The following PIK3CB variants were observed in gnomAD, a reference collection of about 807,000 sequenced individuals.
PIK3CB encodes phosphatidylinositol 4,5-bisphosphate 3-kinase catalytic subunit beta isoform.
In PIK3CB, 39 loss-of-function variants were observed where a neutral mutation model predicts 136.8. That is an observed-to-expected ratio of 0.29 (90% CI 0.22 to 0.37). The LOEUF (loss-of-function observed/expected upper bound fraction) is 0.37, where lower values mean the gene tolerates loss of function less well. Among genes scored for constraint, PIK3CB ranks in the 10% least tolerant of loss-of-function variants. PIK3CB has a pLI of 1.00. For missense variants in PIK3CB, 868 were observed against 1,275.4 expected (o/e 0.68, Z 4.87); for synonymous variants, 428 against 436.6 (o/e 0.98, Z 0.25).
chr3:138,832,116 A>G (rs1934064078), intron 1 of PIK3CB, among the ~76,000 whole-genome samples: 1 of 152,182 alleles, frequency 6.6e-6, no homozygotes, highest in African/African-American at 2.4e-5. Context: ...GAAAGAACAT[A>G]ATTTAGACTA....
intron 16 of PIK3CB, among the ~76,000 whole-genome samples, chr3:138,686,991 G>A (rs2043907741): frequency 6.6e-6 from 1 of 152,126 alleles, no homozygotes; most frequent in African/African-American, 2.4e-5. Context: ...TAAGCAAACA[G>A]GAACTTTTTA....
Position 138,707,184 on chromosome 3 carries a change from GGTT to G in PIK3CB, c.1502_1504del (p.Gln501del). ...CTTATCGAAGGGAGGGTAATAATAA[GGTT>G]GTTTTTTATTCTCTGGAAATTTAAC... On this transcript the variant is annotated inframe_deletion, in exon 11 of 24. Transcript: ENST00000674063. 1 of 1,604,542 alleles carries G rather than the reference GGTT, an allele frequency of 6.2e-7. No homozygotes were observed. Among genetic ancestry groups the G allele is most frequent in the Non-Finnish European group, 8.5e-7 (1 of 1,172,112 alleles).
At chr3:138,746,583 C>A (rs1043613733) in intron 4 of PIK3CB, among the ~76,000 whole-genome samples, 1 of 152,010 alleles carries the variant, frequency 6.6e-6, no homozygotes, top group Non-Finnish European at 1.5e-5. Context: ...ATGGCATGAA[C>A]CTGGGAGGTG....
At chr3:138,809,050 G>A (rs1438766811) in intron 1 of PIK3CB, among the ~76,000 whole-genome samples, 1 of 151,742 alleles carries the variant, frequency 6.6e-6, no homozygotes, top group Non-Finnish European at 1.5e-5. Flanking sequence ...GAGGCGGGTG[G>A]ATCATCTGGA....
intron 10 of PIK3CB, among the ~76,000 whole-genome samples, 190 bp downstream of exon 10, chr3:138,712,018 A>T (rs1012733530): frequency 4.7e-4 from 69 of 147,636 alleles, no homozygotes; most frequent in African/African-American, 1.6e-3. Flanking sequence ...ATTTGTAAAG[A>T]AATCTACTCA....
At chr3:138,676,509 G>GTA (rs1169662860) in intron 19 of PIK3CB, among the ~76,000 whole-genome samples, 3 of 152,144 alleles carry the variant, frequency 2.0e-5, no homozygotes, top group African/African-American at 7.2e-5. Context: ...CTCAAAAGTT[G>GTA]TACACAAATG....
chr3:138,679,010 G>A (rs2043706784), intron 19 of PIK3CB, among the ~76,000 whole-genome samples: 1 of 152,068 alleles, frequency 6.6e-6, no homozygotes, highest in South Asian at 2.1e-4. Flanking sequence ...AGATTGCAGT[G>A]AGCTGAGATC....
intron 3 of PIK3CB, among the ~76,000 whole-genome samples, chr3:138,758,762 G>A (rs1034791525): frequency 6.6e-6 from 1 of 152,082 alleles, no homozygotes; most frequent in Non-Finnish European, 1.5e-5. Flanking sequence ...ACAAATCAAC[G>A]GTGCTCATCA....
intron 5 of PIK3CB, among the ~76,000 whole-genome samples, chr3:138,740,157 A>T (rs533189788): frequency 6.6e-6 from 1 of 152,118 alleles, no homozygotes; most frequent in African/African-American, 2.4e-5. Context: ...CAGGAGTTCA[A>T]GACCAGCCTG....
intron 1 of PIK3CB, among the ~76,000 whole-genome samples, chr3:138,804,329 C>G (rs1349725789): frequency 3.3e-5 from 5 of 151,922 alleles, no homozygotes; most frequent in Admixed American, 2.6e-4. Context: ...GCCTGGGCAA[C>G]AGAGCAAGAG....
At chr3:138,794,761 G>A (rs1204276247) in intron 2 of PIK3CB, among the ~76,000 whole-genome samples, 3 of 152,222 alleles carry the variant, frequency 2.0e-5, no homozygotes, top group African/African-American at 4.8e-5. Context: ...GTCATCTGTG[G>A]TATCTGGGGG....
intron 1 of PIK3CB, among the ~76,000 whole-genome samples, chr3:138,828,849 T>G (rs923468566): frequency 2.0e-5 from 3 of 151,922 alleles, no homozygotes; most frequent in Non-Finnish European, 2.9e-5. Flanking sequence ...AGTGCAATGG[T>G]GCACCTTGGC....
chr3:138,828,836 T>A (rs1933905357), intron 1 of PIK3CB, among the ~76,000 whole-genome samples: 1 of 152,132 alleles, frequency 6.6e-6, no homozygotes, highest in South Asian at 2.1e-4. Flanking sequence ...TTGCCCAAGC[T>A]GGAGTGCAAT....
intron 22 of PIK3CB, 52 bp from the exon 23 acceptor site, chr3:138,656,326 A>G (rs1438973429): frequency 1.3e-6 from 2 of 1,581,262 alleles, no homozygotes; most frequent in African/African-American, 2.7e-5. Flanking sequence ...GGGAGAGAGC[A>G]CATTTCATAC....
intron 19 of PIK3CB, among the ~76,000 whole-genome samples, chr3:138,674,992 A>G (rs1577058769): frequency 6.6e-6 from 1 of 151,938 alleles, no homozygotes; most frequent in East Asian, 2.0e-4. Flanking sequence ...TGGGAGGTGG[A>G]GGTGTCAGTG....
chr3:138,802,912 A>T (rs983651625), intron 1 of PIK3CB, among the ~76,000 whole-genome samples: 1 of 152,232 alleles, frequency 6.6e-6, no homozygotes, highest in Non-Finnish European at 1.5e-5. Context: ...ACACTCTAAT[A>T]CATTAATATA....
chr3:138,699,406 G>C (rs186262542), intron 12 of PIK3CB, among the ~76,000 whole-genome samples: 212 of 151,656 alleles, frequency 1.4e-3, no homozygotes, highest in Admixed American at 6.2e-3. Flanking sequence ...CAACACTTTG[G>C]GAGGCCAATG....
chr3:138,753,311 A>G (rs1027087865), intron 4 of PIK3CB, among the ~76,000 whole-genome samples: 6 of 152,168 alleles, frequency 3.9e-5, no homozygotes, highest in Non-Finnish European at 7.4e-5. Context: ...ATCTGAGGTC[A>G]GGAGTTTGAG....
intron 1 of PIK3CB, among the ~76,000 whole-genome samples, chr3:138,811,955 T>C (rs1933084768): frequency 6.6e-6 from 1 of 152,042 alleles, no homozygotes; most frequent in Admixed American, 6.6e-5. Context: ...CTGGGTGTAG[T>C]GGCACATGCC....
Sources: allele counts gnomAD v4.1 joint callset (sites outside exome capture counted in the v4.1 genomes callset), GRCh38; gene constraint gnomAD v4.1.1; transcripts MANE v1.5; gene names NCBI Gene and HGNC (gene_info 2026-07-23, HGNC 2026-07-21).